The following PTCHD1 variants were observed in gnomAD, a reference collection of about 807,000 sequenced individuals.
PTCHD1 encodes patched domain-containing protein 1.
Under a neutral mutation model 34.6 loss-of-function variants are expected in PTCHD1, and 3 were observed. The observed-to-expected ratio is 0.09, with a 90% CI of 0.04 to 0.22. The LOEUF is 0.22. PTCHD1 is among the 10% of genes least tolerant of loss of function. The pLI, the probability that PTCHD1 is intolerant of heterozygous loss-of-function variation, is 1.00. For synonymous variants in PTCHD1, 305 were observed against 283.1 expected (o/e 1.08, Z -0.77); for missense variants, 504 against 685.5 (o/e 0.74, Z 2.96).
At chrX:23,369,561 G>A (rs190144621) in intron 1 of PTCHD1, among the ~76,000 whole-genome samples, 10 of 111,434 alleles carry the variant, frequency 9.0e-5, no homozygotes, top group Admixed American at 7.6e-4. Context: ...TTCCTCACGC[G>A]CAGATGGAGG....
At chrX:23,345,860 G>C (rs1315935378) in intron 1 of PTCHD1, among the ~76,000 whole-genome samples, 1 of 111,657 alleles carries the variant, frequency 9.0e-6, no homozygotes, top group African/African-American at 3.3e-5. Flanking sequence ...TTCTACAAAG[G>C]GTATTAAATA....
chrX:23,393,889 C>G lies in PTCHD1; in HGVS notation c.2371C>G (p.Leu791Val). 1 of 1,211,521 alleles carries G rather than the reference C, an allele frequency of 8.3e-7. No individual in the cohort carries two copies. Among genetic ancestry groups the G allele is most frequent in the Non-Finnish European group, 1.1e-6 (1 of 895,446 alleles). The change falls in exon 3 of 3, where the codon CTG (leucine) becomes GTG (valine). Residue 791 changes from leucine (L) to valine (V), a missense_variant. Coordinates refer to ENST00000379361, the MANE Select transcript of PTCHD1 (RefSeq NM_173495.3). ...FTRTKWVKNA[L>V]EVHGVAILQS... The stretch of plus-strand genomic sequence containing the variant: ...AAGAACTAAATGGGTAAAAAATGCC[C>G]TGGAAGTGCATGGGGTAGCTATTTT...
intron 2 of PTCHD1, among the ~76,000 whole-genome samples, chrX:23,388,632 A>T (rs962958207): frequency 9.0e-6 from 1 of 111,235 alleles, no homozygotes; most frequent in Non-Finnish European, 1.9e-5. Flanking sequence ...AGAGTTCAAG[A>T]CCAGCCTGGC....
At chrX:23,379,422 C>T (rs868090965) in intron 1 of PTCHD1, among the ~76,000 whole-genome samples, 169 bp from the exon 2 acceptor site, 32 of 111,800 alleles carry the variant, frequency 2.9e-4, no homozygotes, top group African/African-American at 8.5e-4. Flanking sequence ...GGCCACATTG[C>T]GAGAACCACT....
chrX:23,393,479 T>C lies in PTCHD1; in HGVS notation c.1961T>C (p.Met654Thr), dbSNP rs1922891956. Residue 654 changes from methionine (M) to threonine (T), a missense_variant, in exon 3 of 3, where the codon ATG becomes ACG. Physicochemically the swap from Met to Thr is moderately conservative, Grantham distance 81 (BLOSUM62 -1). Coordinates refer to ENST00000379361, the MANE Select transcript of PTCHD1 (RefSeq NM_173495.3). The stretch of plus-strand genomic sequence containing the variant: ...AGAATGTTTTTGGTGGCCAAGACCA[T>C]GGAAACAAACAGAGAAGAACTCTAT... ...ASRMFLVAKT[M>T]ETNREELYDL... The C allele has an allele frequency of 1.7e-6, 2 of 1,210,806 alleles. No individual in the cohort carries two copies. Among genetic ancestry groups the C allele is most frequent in the Non-Finnish European group, 2.2e-6 (2 of 894,550 alleles).
intron 1 of PTCHD1, among the ~76,000 whole-genome samples, chrX:23,376,965 A>G (rs1922427948): frequency 8.9e-6 from 1 of 112,111 alleles, no homozygotes; most frequent in Non-Finnish European, 1.9e-5. Flanking sequence ...ATGGTCTTGT[A>G]GTACGCGGGT....
intron 2 of PTCHD1, among the ~76,000 whole-genome samples, chrX:23,390,023 T>A (rs927109940): frequency 6.2e-5 from 7 of 112,204 alleles, no homozygotes; most frequent in Non-Finnish European, 1.1e-4. Flanking sequence ...CTAAGATTAT[T>A]CAACAGCAAG....
chrX:23,380,402 G>A (rs1451579588), intron 2 of PTCHD1, 151 bp downstream of exon 2: 2 of 560,214 alleles, frequency 3.6e-6, no homozygotes, highest in Non-Finnish European at 6.1e-6. Context: ...ATAAAGTGCT[G>A]GTAATCAGCA....
At chrX:23,378,191 T>C (rs1051562030) in intron 1 of PTCHD1, among the ~76,000 whole-genome samples, 1 of 111,725 alleles carries the variant, frequency 9.0e-6, no homozygotes, top group African/African-American at 3.3e-5. Context: ...GTCAAAACAG[T>C]TAAACTAAGG....
At chrX:23,382,249 A>G (rs1922584783) in intron 2 of PTCHD1, among the ~76,000 whole-genome samples, 1 of 112,563 alleles carries the variant, frequency 8.9e-6, no homozygotes. Context: ...GTAAAATAAA[A>G]TTATAATATT....
Position 23,396,610 on chromosome X carries a change from C to G in PTCHD1, c.*2425C>G, listed in dbSNP as rs752796889. 8.9e-5 allele frequency: 10 copies of G among 112,313 alleles called. No homozygotes were observed. Among genetic ancestry groups the G allele is most frequent in the African/African-American group, 3.2e-4 (10 of 30,856 alleles). 9.3% of individuals were successfully genotyped at this position (112,313 alleles called of 1,213,427 possible). On this transcript the variant is annotated 3_prime_UTR_variant, in exon 3 of 3. Coordinates refer to ENST00000379361, the MANE Select transcript of PTCHD1 (RefSeq NM_173495.3). ...TGAGAATTTAATCATTCAATTTGGT[C>G]AACCAGAATGACTTCCTGTGGAACT...
chrX:23,347,872 T>G (rs747355171), intron 1 of PTCHD1, among the ~76,000 whole-genome samples: 78 of 111,372 alleles, frequency 7.0e-4, no homozygotes, highest in African/African-American at 2.4e-3. Context: ...TAACAGGGCA[T>G]GGTGGTACAT....
chrX:23,340,041 G>T (rs1921266038), intron 1 of PTCHD1, among the ~76,000 whole-genome samples: 1 of 111,913 alleles, frequency 8.9e-6, no homozygotes, highest in Admixed American at 9.5e-5. Flanking sequence ...GAAGAGGCAT[G>T]TGCTACTGGC....
intron 2 of PTCHD1, among the ~76,000 whole-genome samples, chrX:23,387,276 G>A (rs955686353): frequency 1.8e-5 from 2 of 111,490 alleles, no homozygotes; most frequent in East Asian, 5.6e-4. Context: ...CTGTCTTACC[G>A]GATTATAAAC....
intron 2 of PTCHD1, among the ~76,000 whole-genome samples, chrX:23,391,692 A>G (rs1922831787): frequency 9.0e-6 from 1 of 111,463 alleles, no homozygotes; most frequent in Non-Finnish European, 1.9e-5. Flanking sequence ...TCTGCCCACT[A>G]TCTTCCTCTG....
At chrX:23,388,312 G>T (rs1922734701) in intron 2 of PTCHD1, among the ~76,000 whole-genome samples, 1 of 112,262 alleles carries the variant, frequency 8.9e-6, no homozygotes. Context: ...CCACTGGTCA[G>T]ATTTAACAGA....
chrX:23,379,717 C>A lies in PTCHD1; in HGVS notation c.478C>A (p.Leu160Ile), dbSNP rs1451151932. Residue 160 changes from leucine to isoleucine, a missense_variant, in exon 2 of 3, where the codon CTA becomes ATA. Leu to Ile is a conservative substitution (Grantham distance 5, BLOSUM62 2). Coordinates refer to ENST00000379361, the MANE Select transcript of PTCHD1 (RefSeq NM_173495.3). ...TGACATAGTGCACGTCCTGGAAGAG[C>A]TAAAGAATGCTCGGGCCACCAATCG... ...VDDIVHVLEE[L>I]KNARATNRTN... is the part of the protein sequence containing the mutation. The A allele has an allele frequency of 8.3e-7, 1 of 1,209,000 alleles. No homozygotes were observed. The highest frequency in any genetic ancestry group is 1.8e-5 in the African/African-American group (1 of 56,764).
In PTCHD1 at chrX:23,384,016, A is replaced by G. The variant is rs757227228; in HGVS notation, c.1012+3765A>G. 4.5e-5 allele frequency among the ~76,000 whole-genome samples: 5 copies of G among 112,236 alleles called. No individual in the cohort carries two copies. The South Asian group carries it at 1.5e-3, about 33-fold the overall frequency. On this transcript the variant is annotated intron_variant, in intron 2 of 2. Transcript: ENST00000379361. ...AATTAGCATAGGTTTTCTGTGTGCA[A>G]GCTCTCCTTACAGGCTTAATGTTTC...
rs746705306 is a variant in PTCHD1, at chrX:23,392,449, T to C, written c.1013-82T>C. 4.5e-5 allele frequency: 29 copies of C among 642,162 alleles called. No individual in the cohort carries two copies. The South Asian group carries it at 6.1e-4, about 14-fold the overall frequency. The allele number at this position is 642,162 out of a possible 1,213,427, so 52.9% of individuals were successfully genotyped here. ...GTTGATTACGTTTCCTTTGACCCAGTAGTCCCTCATAATCAAGTTGATTTC... is the reference window on the plus strand; with the variant it reads ...GTTGATTACGTTTCCTTTGACCCAGCAGTCCCTCATAATCAAGTTGATTTC... On this transcript the variant is annotated intron_variant, in intron 2 of 2. Coordinates refer to ENST00000379361, the MANE Select transcript of PTCHD1 (RefSeq NM_173495.3).
Sources: gnomAD v4.1 joint callset for allele counts (sites outside exome capture counted in the v4.1 genomes callset) on GRCh38, gnomAD v4.1.1 for gene constraint, MANE v1.5 for transcripts, NCBI Gene and HGNC (gene_info 2026-07-23, HGNC 2026-07-21) for gene names.